The following GRID2 variants were observed in gnomAD, a reference collection of about 807,000 sequenced individuals.
GRID2 encodes glutamate ionotropic receptor delta type subunit 2, also known as glutamate receptor ionotropic, delta-2.
In GRID2, 33 loss-of-function variants were observed where a neutral mutation model predicts 114.8. The ratio of observed to expected loss-of-function variants is 0.29; its 90% CI spans 0.22 to 0.38. The LOEUF is 0.38. Ranked by LOEUF, GRID2 falls within the 10% of genes least tolerant of loss-of-function variation. The pLI is 1.00. For synonymous variants in GRID2, 505 were observed against 449.9 expected (o/e 1.12, Z -1.55); for missense variants, 1,184 against 1,257.7 (o/e 0.94, Z 0.89).
At chr4:93,342,850 C>G (rs1017680156) in intron 8 of GRID2, among the ~76,000 whole-genome samples, 2 of 152,058 alleles carry the variant, frequency 1.3e-5, no homozygotes, top group African/African-American at 4.8e-5. Context: ...TTCAGGCTGA[C>G]CTTGCTTGAA....
chr4:92,532,591 T>G (rs1725407156), intron 1 of GRID2, among the ~76,000 whole-genome samples: 1 of 152,130 alleles, frequency 6.6e-6, no homozygotes, highest in Non-Finnish European at 1.5e-5. Flanking sequence ...TAGAATAATT[T>G]TAAAAGAAGT....
intron 2 of GRID2, among the ~76,000 whole-genome samples, chr4:92,882,878 T>C (rs1487434292): frequency 6.6e-6 from 1 of 152,216 alleles, no homozygotes; most frequent in Non-Finnish European, 1.5e-5. Context: ...CAAGTACAAA[T>C]CTTTTTACTG....
chr4:92,335,746 A>G (rs1727130434), intron 1 of GRID2, among the ~76,000 whole-genome samples: 1 of 152,188 alleles, frequency 6.6e-6, no homozygotes, highest in Admixed American at 6.5e-5. Flanking sequence ...AGATGGTTGA[A>G]TGACTAGACT....
At chr4:92,709,876 T>G (rs1405297763) in intron 2 of GRID2, among the ~76,000 whole-genome samples, 1 of 151,954 alleles carries the variant, frequency 6.6e-6, no homozygotes, top group Non-Finnish European at 1.5e-5. Flanking sequence ...ATGCCTATTC[T>G]CAAACATCTG....
intron 2 of GRID2, among the ~76,000 whole-genome samples, chr4:92,849,729 T>C (rs1052213964): frequency 1.3e-5 from 2 of 151,832 alleles, no homozygotes; most frequent in Admixed American, 6.6e-5. Context: ...ATCTCTACCT[T>C]AATTTATTAT....
intron 1 of GRID2, among the ~76,000 whole-genome samples, chr4:92,421,136 C>T (rs1033719328): frequency 2.0e-5 from 3 of 151,954 alleles, no homozygotes; most frequent in Non-Finnish European, 4.4e-5. Context: ...ACATGATCAG[C>T]TCTGAGAGCT....
At chr4:93,739,410 G>C (rs1041841862) in intron 14 of GRID2, among the ~76,000 whole-genome samples, 8 of 152,026 alleles carry the variant, frequency 5.3e-5, no homozygotes, top group African/African-American at 1.9e-4. Flanking sequence ...ATGCCACATA[G>C]ATTCAGGTGC....
chr4:93,328,511 T>G (rs1030490187), intron 8 of GRID2, among the ~76,000 whole-genome samples: 1 of 152,222 alleles, frequency 6.6e-6, no homozygotes, highest in African/African-American at 2.4e-5. Context: ...CTTGCACAGC[T>G]ACCTAATATC....
rs558512657 is a variant in GRID2 at position 93,708,873 on chromosome 4, T to C, written c.2361-60337T>C. On this transcript the variant is annotated intron_variant, in intron 14 of 15. Transcript: ENST00000282020. The stretch of plus-strand genomic sequence containing the variant: ...TTTTCTGTATCTGTTACAGAGTTTT[T>C]GATTTAAGGTTATCATGAGGTTTGC... 5.3e-5 allele frequency among the ~76,000 whole-genome samples: 8 copies of C among 152,196 alleles called. 1 individual carries two copies. In the South Asian group the frequency reaches 1.7e-3, roughly 32 times the overall value.
At chr4:93,141,217 G>A (rs1264255290) in intron 4 of GRID2, among the ~76,000 whole-genome samples, 1 of 151,644 alleles carries the variant, frequency 6.6e-6, no homozygotes, top group African/African-American at 2.4e-5. Context: ...ATTTTCCATT[G>A]TGTTTAATTA....
At chr4:92,735,346 A>G (rs1187102439) in intron 2 of GRID2, among the ~76,000 whole-genome samples, 1 of 152,126 alleles carries the variant, frequency 6.6e-6, no homozygotes, top group Non-Finnish European at 1.5e-5. Context: ...AATTAAACAC[A>G]GTAAAAGATA....
intron 2 of GRID2, among the ~76,000 whole-genome samples, chr4:92,662,678 T>C (rs910181781): frequency 4.0e-5 from 6 of 151,144 alleles, no homozygotes; most frequent in Non-Finnish European, 7.4e-5. Flanking sequence ...AAACAGAGCA[T>C]ACAAACTGGG....
chr4:93,547,352 C>G (rs1010436979), intron 13 of GRID2, among the ~76,000 whole-genome samples: 1 of 152,112 alleles, frequency 6.6e-6, no homozygotes, highest in Non-Finnish European at 1.5e-5. Flanking sequence ...CGATTATATA[C>G]TCAAAGGTGT....
intron 2 of GRID2, among the ~76,000 whole-genome samples, chr4:92,696,089 G>C (rs1375545976): frequency 6.6e-6 from 1 of 152,036 alleles, no homozygotes; most frequent in Non-Finnish European, 1.5e-5. Context: ...TCAGGAAAAA[G>C]TACATAAAAT....
intron 10 of GRID2, among the ~76,000 whole-genome samples, chr4:93,450,990 T>C (rs757299639): frequency 1.1e-4 from 16 of 152,016 alleles, no homozygotes; most frequent in Admixed American, 6.6e-4. Context: ...ATTTTCTTTT[T>C]ATTATTTAAA....
At chr4:93,036,509 C>G (rs761057462) in intron 2 of GRID2, among the ~76,000 whole-genome samples, 8 of 151,872 alleles carry the variant, frequency 5.3e-5, no homozygotes, top group Non-Finnish European at 1.2e-4. Flanking sequence ...TAATGAAAAT[C>G]AAAATAATTT....
chr4:93,287,734 G>A (rs1487633099), intron 8 of GRID2, among the ~76,000 whole-genome samples: 2 of 152,072 alleles, frequency 1.3e-5, no homozygotes, highest in African/African-American at 4.8e-5. Context: ...TGTTTAACTA[G>A]GAAAGGCTAA....
chr4:92,312,459 C>T (rs1395962400), intron 1 of GRID2, among the ~76,000 whole-genome samples: 1 of 151,926 alleles, frequency 6.6e-6, no homozygotes, highest in Admixed American at 6.6e-5. Flanking sequence ...ATCGGAAAAA[C>T]AGGATTTTCT....
intron 2 of GRID2, among the ~76,000 whole-genome samples, chr4:92,992,002 G>T (rs1208548465): frequency 5.3e-5 from 8 of 152,136 alleles, no homozygotes; most frequent in African/African-American, 1.7e-4. Flanking sequence ...AAGGTAAATT[G>T]CACTGTCTCG....
Sources: allele counts gnomAD v4.1 joint callset (sites outside exome capture counted in the v4.1 genomes callset), GRCh38; gene constraint gnomAD v4.1.1; transcripts MANE v1.5; gene names NCBI Gene and HGNC (gene_info 2026-07-23, HGNC 2026-07-21).